MYT1L: variants seen among roughly 807,000 people sequenced by gnomAD.
MYT1L encodes the protein myelin transcription factor 1 like.
In MYT1L, 12 loss-of-function variants were observed where a neutral mutation model predicts 126.7. The ratio of observed to expected loss-of-function variants is 0.09; its 90% CI spans 0.06 to 0.15. The LOEUF (loss-of-function observed/expected upper bound fraction) is 0.15. Among genes scored for constraint, MYT1L ranks in the 10% least tolerant of loss-of-function variants. The pLI is 1.00. For missense variants in MYT1L, 979 were observed against 1,585.2 expected (o/e 0.62, Z 6.49); for synonymous variants, 541 against 604.2 (o/e 0.90, Z 1.53).
chr2:2,263,042 C>CA (rs1031111226), intron 2 of MYT1L, among the ~76,000 whole-genome samples: 1 of 146,238 alleles, frequency 6.8e-6, no homozygotes, highest in Non-Finnish European at 1.5e-5. Context: ...AAAGGCAGGG[C>CA]AAAAAACACA....
chr2:2,325,744 A>C (rs765476800), intron 1 of MYT1L: 1 of 152,296 alleles, frequency 6.6e-6, no homozygotes, highest in Non-Finnish European at 1.5e-5. Flanking sequence ...ACACAGACTC[A>C]TGTTTAACAA....
intron 18 of MYT1L, among the ~76,000 whole-genome samples, chr2:1,872,110 G>T (rs939528579): frequency 6.6e-6 from 1 of 152,162 alleles, no homozygotes; most frequent in Non-Finnish European, 1.5e-5. Context: ...TTCTGTAAAA[G>T]AGGCTGCCCC....
chr2:2,019,165 TG>T (rs545234760), intron 4 of MYT1L, among the ~76,000 whole-genome samples: 101 of 152,284 alleles, frequency 6.6e-4, no homozygotes, highest in African/African-American at 2.3e-3. Context: ...ATAATTCTCA[TG>T]TGTTGTGGGA....
At chr2:2,307,630 A>G (rs1185962851) in intron 1 of MYT1L, among the ~76,000 whole-genome samples, 1 of 152,052 alleles carries the variant, frequency 6.6e-6, no homozygotes, top group Non-Finnish European at 1.5e-5. Flanking sequence ...GACACTCGTG[A>G]TCTCCAGGAC....
intron 2 of MYT1L, among the ~76,000 whole-genome samples, chr2:2,221,063 C>T (rs1330328095): frequency 6.6e-6 from 1 of 152,174 alleles, no homozygotes; most frequent in Non-Finnish European, 1.5e-5. Context: ...CCTTGGAATA[C>T]TTGTTTTTGG....
chr2:2,002,939 G>GT (rs1404489424), intron 4 of MYT1L, among the ~76,000 whole-genome samples: 1 of 152,092 alleles, frequency 6.6e-6, no homozygotes, highest in African/African-American at 2.4e-5. Flanking sequence ...TGCCAGGATT[G>GT]TAAGTTTCCT....
At chr2:2,269,446 T>C (rs2095215378) in intron 2 of MYT1L, among the ~76,000 whole-genome samples, 1 of 152,182 alleles carries the variant, frequency 6.6e-6, no homozygotes, top group Admixed American at 6.5e-5. Flanking sequence ...CTCATGAAGG[T>C]TGTGAAGGTT....
chr2:1,834,458 CA>C (rs2040563582), intron 21 of MYT1L, among the ~76,000 whole-genome samples: 1 of 152,198 alleles, frequency 6.6e-6, no homozygotes, highest in African/African-American at 2.4e-5. Flanking sequence ...AAGGCTTGCT[CA>C]ACAGAGAAAA....
At position 2,313,630 on chromosome 2, in the gene MYT1L, C is replaced by T. The variant is rs148708701; in HGVS notation, c.-521+17337G>A. Among the ~76,000 whole-genome samples, 35 of 152,040 alleles carry T rather than the reference C, an allele frequency of 2.3e-4. No individual in the cohort carries two copies. The East Asian group carries it at 5.2e-3, about 23-fold the overall frequency. On this transcript the variant is annotated intron_variant, in intron 1 of 24. Transcript: ENST00000647738. ...ACACAGGAAATGGGGGATGAATTCA[C>T]TACTATAGTAAAGTGCCAAGGGTGT...
intron 22 of MYT1L, among the ~76,000 whole-genome samples, chr2:1,808,069 C>A (rs938059228): frequency 2.0e-5 from 3 of 152,078 alleles, no homozygotes; most frequent in Non-Finnish European, 4.4e-5. Flanking sequence ...CCCTTTGCAC[C>A]ATGATTGTAG....
intron 3 of MYT1L, among the ~76,000 whole-genome samples, chr2:2,067,449 C>T (rs1250111903): frequency 6.6e-6 from 1 of 152,146 alleles, no homozygotes; most frequent in Non-Finnish European, 1.5e-5. Flanking sequence ...ATATCAAAAA[C>T]TAAGCCTTAA....
intron 2 of MYT1L, among the ~76,000 whole-genome samples, chr2:2,207,927 C>T (rs1559340118): frequency 6.6e-6 from 1 of 152,152 alleles, no homozygotes. Context: ...CCCCGAAGCA[C>T]GTCTCTCTCT....
At chr2:2,281,750 A>G (rs932716741) in intron 2 of MYT1L, among the ~76,000 whole-genome samples, 2 of 152,226 alleles carry the variant, frequency 1.3e-5, no homozygotes, top group Non-Finnish European at 2.9e-5. Flanking sequence ...ATTGAATTAG[A>G]CATAGTCTGT....
chr2:2,170,009 C>T (rs1215402928), intron 3 of MYT1L, among the ~76,000 whole-genome samples: 1 of 152,216 alleles, frequency 6.6e-6, no homozygotes, highest in Non-Finnish European at 1.5e-5. Context: ...TTGAATTCTG[C>T]TCTGATTTCC....
chr2:2,075,996 A>G (rs1014141955), intron 3 of MYT1L, among the ~76,000 whole-genome samples: 1 of 152,250 alleles, frequency 6.6e-6, no homozygotes, highest in Admixed American at 6.5e-5. Context: ...TCAATATTTT[A>G]TCTGAAATTG....
At chr2:2,105,161 T>C (rs1022771357) in intron 3 of MYT1L, among the ~76,000 whole-genome samples, 8 of 152,244 alleles carry the variant, frequency 5.3e-5, no homozygotes, top group African/African-American at 1.7e-4. Context: ...CAGTGTAGTT[T>C]TGTAGAAGCT....
Position 1,841,060 on chromosome 2 carries a change from C to T in MYT1L, c.2775-217G>A, listed in dbSNP as rs867992036. 7.3e-5 allele frequency: 34 copies of T among 468,718 alleles called. 1 individual carries two copies. Among genetic ancestry groups the T allele is most frequent in the Middle Eastern group, 5.9e-4 (1 of 1,682 alleles). The allele number at this position is 468,718 out of a possible 1,614,324, so 29.0% of individuals were successfully genotyped here. On this transcript the variant is annotated intron_variant, in intron 19 of 24. Transcript: ENST00000647738. ...CTGGGACTACAGGCGGCCACCACCA[C>T]GCCTGGCTAATTTTTTTGTATTTTT...
intron 2 of MYT1L, among the ~76,000 whole-genome samples, chr2:2,272,874 C>T (rs970959096): frequency 6.6e-6 from 1 of 152,178 alleles, no homozygotes; most frequent in African/African-American, 2.4e-5. Flanking sequence ...ATCCTGCTGG[C>T]CCTGCACCTC....
At chr2:2,178,728 A>T (rs183835969) in intron 2 of MYT1L, among the ~76,000 whole-genome samples, 14 of 152,244 alleles carry the variant, frequency 9.2e-5, no homozygotes, top group Admixed American at 7.2e-4. Flanking sequence ...AGTGAAAGCA[A>T]TCGTAAGGAT....
Sources: allele counts gnomAD v4.1 joint callset (sites outside exome capture counted in the v4.1 genomes callset), GRCh38; gene constraint gnomAD v4.1.1; transcripts MANE v1.5; gene names NCBI Gene and HGNC (gene_info 2026-07-23, HGNC 2026-07-21).